The following PRRX2 variants were observed in gnomAD, a reference collection of about 807,000 sequenced individuals.
PRRX2 encodes the protein paired mesoderm homeobox protein 2.
A neutral mutation model predicts 18.0 loss-of-function variants in PRRX2; 11 were observed. That is an observed-to-expected ratio of 0.61 (90% confidence interval 0.39 to 1.01). The LOEUF (loss-of-function observed/expected upper bound fraction) is 1.01. Among genes scored for constraint, PRRX2 ranks in the 50% least tolerant of loss-of-function variants. The pLI, the probability that PRRX2 is intolerant of heterozygous loss-of-function variation, is 0.01. For synonymous variants in PRRX2, 177 were observed against 154.8 expected (o/e 1.14, Z -1.06); for missense variants, 387 against 351.0 (o/e 1.10, Z -0.82).
At position 129,666,095 on chromosome 9, in the gene PRRX2, C is replaced by A; in HGVS notation, c.228C>A (p.Gly76=). The A allele has an allele frequency of 9.7e-7, 1 of 1,030,184 alleles. No homozygotes were observed. The highest frequency in any genetic ancestry group is 1.2e-6 in the Non-Finnish European group (1 of 861,384). 63.8% of individuals were successfully genotyped at this position (1,030,184 alleles called of 1,614,324 possible). A position where few individuals can be genotyped will look rare whatever the true frequency, so the allele number is the denominator to read the frequency against. ...GCGCAGCACGGGAGCCGTCCGGGGGCAGCAGCGGCAGCGAGGCGGCGCCGC... is the reference window on the plus strand; with the variant it reads ...GCGCAGCACGGGAGCCGTCCGGGGGAAGCAGCGGCAGCGAGGCGGCGCCGC... ...REGAAREPSG[G]SSGSEAAPQD... Residue 76 remains glycine (G), a synonymous_variant, in exon 1 of 4, where the codon GGC becomes GGA. Coordinates refer to ENST00000372469, the MANE Select transcript of PRRX2 (RefSeq NM_016307.4).
chr9:129,720,069 AAAG>A (rs1832769171), intron 2 of PRRX2, among the ~76,000 whole-genome samples: 1 of 146,412 alleles, frequency 6.8e-6, no homozygotes, highest in African/African-American at 2.7e-5. Context: ...GGGTTCTGAT[AAAG>A]AAGTCCTTTT....
intron 2 of PRRX2, among the ~76,000 whole-genome samples, 189 bp downstream of exon 2, chr9:129,719,607 G>A (rs953390303): frequency 6.6e-6 from 1 of 152,278 alleles, no homozygotes; most frequent in Non-Finnish European, 1.5e-5. Flanking sequence ...GACTTAAGCT[G>A]TCTGTGCTGC....
intron 1 of PRRX2, among the ~76,000 whole-genome samples, chr9:129,708,338 G>A (rs993731500): frequency 3.3e-5 from 5 of 152,188 alleles, no homozygotes; most frequent in African/African-American, 7.2e-5. Context: ...ATGCACGGCC[G>A]TTATCTGTCT....
chr9:129,686,459 G>A (rs1832300689), intron 1 of PRRX2, among the ~76,000 whole-genome samples: 2 of 152,014 alleles, frequency 1.3e-5, no homozygotes, highest in African/African-American at 4.8e-5. Flanking sequence ...TGATCCTTCC[G>A]CCTCAGCCTC....
At chr9:129,692,968 G>A (rs1832379704) in intron 1 of PRRX2, among the ~76,000 whole-genome samples, 1 of 152,178 alleles carries the variant, frequency 6.6e-6, no homozygotes, top group Admixed American at 6.5e-5. Flanking sequence ...TGTAAGAAAC[G>A]GCCAAGCTGT....
chr9:129,666,174 C>CG (rs1278392682), intron 1 of PRRX2, 48 bp downstream of exon 1: 10 of 997,066 alleles, frequency 1.0e-5, no homozygotes, highest in East Asian at 1.0e-4. Flanking sequence ...GGGGCCGGGG[C>CG]CGGGGCCGGG....
intron 1 of PRRX2, among the ~76,000 whole-genome samples, chr9:129,680,217 C>T (rs1300955204): frequency 2.0e-5 from 3 of 151,932 alleles, no homozygotes; most frequent in Admixed American, 6.6e-5. Flanking sequence ...GCCTGGCCAA[C>T]ATGGTGAAGC....
chr9:129,668,382 C>T (rs1181115995), intron 1 of PRRX2, among the ~76,000 whole-genome samples: 1 of 152,196 alleles, frequency 6.6e-6, no homozygotes, highest in African/African-American at 2.4e-5. Context: ...CGGCATCATC[C>T]TCCAGTCCTG....
chr9:129,704,542 C>G (rs548500316), intron 1 of PRRX2, among the ~76,000 whole-genome samples: 64 of 152,260 alleles, frequency 4.2e-4, no homozygotes, highest in East Asian at 7.7e-4. Context: ...CCCAGGAAAC[C>G]CGGGAACAGA....
intron 3 of PRRX2, among the ~76,000 whole-genome samples, chr9:129,722,016 G>A (rs1160047308): frequency 6.6e-6 from 1 of 152,130 alleles, no homozygotes; most frequent in Non-Finnish European, 1.5e-5. Flanking sequence ...TCATATGGAG[G>A]CTCCTGTGTC....
Position 129,695,943 on chromosome 9 carries a change from G to A in PRRX2, c.260-23288G>A, listed in dbSNP as rs1389776216. ...TTAAGGGTGAACATGGCACTTTGATGTGGCCCCATTTCCTTATAAAGCCCC... is the reference window on the plus strand; with the variant it reads ...TTAAGGGTGAACATGGCACTTTGATATGGCCCCATTTCCTTATAAAGCCCC... On this transcript the variant is annotated intron_variant, in intron 1 of 3. Transcript: ENST00000372469. The surrounding 1 kb of genome is among the most constrained non-coding windows in gnomAD (Gnocchi z 4.8). 6.6e-6 allele frequency among the ~76,000 whole-genome samples: 1 copy of A among 152,196 alleles called. No individual in the cohort carries two copies. The highest frequency in any genetic ancestry group is 6.5e-5 in the Admixed American group (1 of 15,282).
intron 1 of PRRX2, among the ~76,000 whole-genome samples, chr9:129,712,604 A>T (rs377557702): frequency 6.6e-6 from 1 of 152,108 alleles, no homozygotes; most frequent in Admixed American, 6.6e-5. Context: ...TTTCACTGTA[A>T]TGTAATCGGG....
chr9:129,716,220 A>G (rs773831528), intron 1 of PRRX2, among the ~76,000 whole-genome samples: 8 of 152,152 alleles, frequency 5.3e-5, no homozygotes, highest in East Asian at 1.9e-4. Context: ...AAAATAGAAA[A>G]TCATATTTGC....
Position 129,690,504 on chromosome 9 carries a change from C to CT in PRRX2, c.259+24398dup, listed in dbSNP as rs34070492. ...TAGCACCATAAGTACGGTGCCAGCT[C>CT]TTTTTTTTTTTTTTTTTTTTAAGAC... On this transcript the variant is annotated intron_variant, in intron 1 of 3. Transcript: ENST00000372469. Among the ~76,000 whole-genome samples, 999 of 130,934 alleles carry CT rather than the reference C, an allele frequency of 7.6e-3. 8 individuals carry two copies. Among genetic ancestry groups the CT allele is most frequent in the African/African-American group, 0.014 (498 of 34,540 alleles). The allele number at this position is 130,934 out of a possible 152,430, so 85.9% of individuals were successfully genotyped here. A position where few individuals can be genotyped will look rare whatever the true frequency, so the allele number is the denominator to read the frequency against.
intron 1 of PRRX2, among the ~76,000 whole-genome samples, chr9:129,697,373 C>A (rs533784110): frequency 6.6e-6 from 1 of 151,880 alleles, no homozygotes; most frequent in Non-Finnish European, 1.5e-5. Flanking sequence ...CGCGCACCCT[C>A]GGAGCAGCTG....
intron 1 of PRRX2, among the ~76,000 whole-genome samples, chr9:129,707,553 A>AG (rs1018280644): frequency 7.2e-5 from 11 of 152,062 alleles, no homozygotes; most frequent in Non-Finnish European, 1.3e-4. Flanking sequence ...TGGGAGGCCA[A>AG]GGCTGGTCTG....
At chr9:129,710,708 G>A (rs1447211978) in intron 1 of PRRX2, among the ~76,000 whole-genome samples, 2 of 152,132 alleles carry the variant, frequency 1.3e-5, no homozygotes, top group Non-Finnish European at 2.9e-5. Flanking sequence ...ACTCCAGCCT[G>A]GTAACAGAGT....
chr9:129,699,380 C>T (rs192018123), intron 1 of PRRX2, among the ~76,000 whole-genome samples: 51 of 152,134 alleles, frequency 3.4e-4, no homozygotes, highest in Admixed American at 2.2e-3. Context: ...GCCGAGATCA[C>T]GCCATTGCAC....
At chr9:129,702,074 C>G (rs1490732093) in intron 1 of PRRX2, among the ~76,000 whole-genome samples, 1 of 151,946 alleles carries the variant, frequency 6.6e-6, no homozygotes, top group East Asian at 1.9e-4. Flanking sequence ...GCACTCCAGC[C>G]TGGGCGACAG....
Sources: allele counts gnomAD v4.1 joint callset (sites outside exome capture counted in the v4.1 genomes callset), GRCh38; gene constraint gnomAD v4.1.1; non-coding constraint Gnocchi (gnomAD v3.1); transcripts MANE v1.5; gene names NCBI Gene and HGNC (gene_info 2026-07-23, HGNC 2026-07-21).